The following ADAMTS19 variants were observed in gnomAD, a reference collection of about 807,000 sequenced individuals.
The protein encoded by ADAMTS19 is A disintegrin and metalloproteinase with thrombospondin motifs 19.
A neutral mutation model predicts 153.3 loss-of-function variants in ADAMTS19; 93 were observed. The ratio of observed to expected loss-of-function variants is 0.61; its 90% CI spans 0.51 to 0.72. The LOEUF (loss-of-function observed/expected upper bound fraction) is 0.72, where lower values mean the gene tolerates loss of function less well. Ranked by LOEUF, ADAMTS19 falls within the 30% of genes least tolerant of loss-of-function variation. ADAMTS19 has a pLI of 0.00. For missense variants in ADAMTS19, 1,482 were observed against 1,552.1 expected (o/e 0.95, Z 0.76); for synonymous variants, 600 against 556.6 (o/e 1.08, Z -1.10).
chr5:129,478,933 G>A (rs1170902558), intron 2 of ADAMTS19, among the ~76,000 whole-genome samples: 1 of 152,142 alleles, frequency 6.6e-6, no homozygotes, highest in Non-Finnish European at 1.5e-5. Context: ...TAAAAACAAA[G>A]AGGACCAGAA....
At chr5:129,647,384 T>G (rs2127038662) in intron 11 of ADAMTS19, among the ~76,000 whole-genome samples, 1 of 152,308 alleles carries the variant, frequency 6.6e-6, no homozygotes, top group Non-Finnish European at 1.5e-5. Flanking sequence ...GTTTCCATTC[T>G]TATATATTAC....
intron 4 of ADAMTS19, 30 bp downstream of exon 4, chr5:129,526,486 T>G (rs1473512589): frequency 4.5e-6 from 7 of 1,566,716 alleles, no homozygotes; most frequent in Non-Finnish European, 6.0e-6. Flanking sequence ...CGCTTGGAAT[T>G]TTTTCAAGAA....
At chr5:129,558,659 T>G (rs987242469) in intron 7 of ADAMTS19, among the ~76,000 whole-genome samples, 1 of 152,044 alleles carries the variant, frequency 6.6e-6, no homozygotes, top group Admixed American at 6.6e-5. Context: ...TCTAGATGTA[T>G]AGAGGAACAT....
At chr5:129,688,992 AT>A (rs1263900885) in intron 18 of ADAMTS19, among the ~76,000 whole-genome samples, 28 of 152,324 alleles carry the variant, frequency 1.8e-4, no homozygotes, top group African/African-American at 6.5e-4. Flanking sequence ...TTATAAATAT[AT>A]TACTCCAAAA....
chr5:129,461,139 C>A lies in ADAMTS19; in HGVS notation c.129C>A (p.Val43=), dbSNP rs1749637081. ...CCCCCGACCGCGAGGAGTGGGAAGT[C>A]GTGTTTCCTGCGCTCTGGCGCCGGG... ...QFAPDREEWE[V]VFPALWRREP... The change falls in exon 2 of 23, where the codon GTC becomes GTA. Residue 43 remains valine, a synonymous_variant. Coordinates refer to ENST00000274487, the MANE Select transcript of ADAMTS19 (RefSeq NM_133638.6). This position sits in a 1 kb window ranked among gnomAD's most constrained non-coding sequence, Gnocchi z 4.6. 3.5e-6 allele frequency: 5 copies of A among 1,422,448 alleles called. No homozygotes were observed. The highest frequency in any genetic ancestry group is 3.7e-6 in the Non-Finnish European group (4 of 1,084,964). 88.1% of individuals were successfully genotyped at this position (1,422,448 alleles called of 1,614,324 possible).
intron 10 of ADAMTS19, among the ~76,000 whole-genome samples, chr5:129,639,571 G>A (rs138578630): frequency 4.2e-4 from 64 of 152,234 alleles, no homozygotes; most frequent in South Asian, 2.5e-3. Flanking sequence ...AGTACCTGCC[G>A]TTTCAAATAG....
At chr5:129,580,001 C>T (rs1022900263) in intron 7 of ADAMTS19, among the ~76,000 whole-genome samples, 14 of 152,268 alleles carry the variant, frequency 9.2e-5, no homozygotes, top group Admixed American at 9.2e-4. Flanking sequence ...ATGGGGATAG[C>T]ATTGAATCTA....
chr5:129,726,183 C>T (rs768762314), intron 21 of ADAMTS19, among the ~76,000 whole-genome samples: 7 of 152,058 alleles, frequency 4.6e-5, no homozygotes, highest in Non-Finnish European at 7.4e-5. Flanking sequence ...GTTTCCTATT[C>T]AGAATTAAAT....
Position 129,538,129 on chromosome 5 carries a change from C to T in ADAMTS19, c.1328+9452C>T, listed in dbSNP as rs111574955. Reference sequence around the variant, plus strand: ...ATATTGCTTCTGAGACTAAAGAAGACGATAATCATAATTTGATTACTGATT... The same window carrying T: ...ATATTGCTTCTGAGACTAAAGAAGATGATAATCATAATTTGATTACTGATT... On this transcript the variant is annotated intron_variant, in intron 6 of 22. Coordinates refer to ENST00000274487, the MANE Select transcript of ADAMTS19 (RefSeq NM_133638.6). Among the ~76,000 whole-genome samples, 51 of 151,636 alleles carry T rather than the reference C, an allele frequency of 3.4e-4. No individual in the cohort carries two copies. In the East Asian group the frequency reaches 4.7e-3, roughly 14 times the overall value.
In ADAMTS19 at chr5:129,461,456, C is replaced by T. The variant is rs563241485; in HGVS notation, c.446C>T (p.Pro149Leu). ...GGCGCCCCGGCCTCGTGGCAGCCGCCGCCTCCCCCGCAGCCGCCCCCGTCC... is the reference window on the plus strand; with the variant it reads ...GGCGCCCCGGCCTCGTGGCAGCCGCTGCCTCCCCCGCAGCCGCCCCCGTCC... ...SPGAPASWQP[P>L]PPPQPPPSPP... The change falls in exon 2 of 23, where the codon CCG (proline) becomes CTG (leucine). Residue 149 changes from proline (P) to leucine (L), a missense_variant. By Grantham distance (98) the Pro-to-Leu change is moderately conservative. Around this residue, in one of 2 missense-constraint regions of ADAMTS19, gnomAD observed 866 missense variants for 827.7 expected, o/e 1.05. Transcript: ENST00000274487. The surrounding 1 kb of genome is among the most constrained non-coding windows in gnomAD (Gnocchi z 4.6). The T allele has an allele frequency of 6.9e-4, 998 of 1,449,102 alleles. 7 individuals are homozygous for T. In the African/African-American group the frequency reaches 0.012, roughly 18 times the overall value. 89.8% of individuals were successfully genotyped at this position (1,449,102 alleles called of 1,614,324 possible).
intron 10 of ADAMTS19, among the ~76,000 whole-genome samples, chr5:129,640,532 C>A (rs1332027602): frequency 2.0e-5 from 3 of 152,020 alleles, no homozygotes; most frequent in South Asian, 2.1e-4. Flanking sequence ...CCTAAAATAA[C>A]CTATTATCTT....
At chr5:129,699,434 A>G (rs1007331518) in intron 19 of ADAMTS19, among the ~76,000 whole-genome samples, 8 of 152,064 alleles carry the variant, frequency 5.3e-5, no homozygotes, top group Non-Finnish European at 1.2e-4. Flanking sequence ...AAAAAAAAAA[A>G]AAAAAAGAAA....
At chr5:129,610,612 C>T (rs1751159217) in intron 8 of ADAMTS19, among the ~76,000 whole-genome samples, 4 of 152,152 alleles carry the variant, frequency 2.6e-5, no homozygotes, top group Admixed American at 2.6e-4. Flanking sequence ...CCACAAAGGA[C>T]ATGAACTCAT....
intron 7 of ADAMTS19, among the ~76,000 whole-genome samples, chr5:129,580,778 G>T (rs1172194588): frequency 2.6e-5 from 4 of 152,198 alleles, no homozygotes; most frequent in Non-Finnish European, 4.4e-5. Context: ...TCCCAGGGGT[G>T]AAGCTGACTT....
At chr5:129,523,965 TA>T (rs1751915085) in intron 3 of ADAMTS19, among the ~76,000 whole-genome samples, 1 of 152,094 alleles carries the variant, frequency 6.6e-6, no homozygotes, top group Non-Finnish European at 1.5e-5. Flanking sequence ...AAAACTACTG[TA>T]AATTTCATAT....
rs145394711 is a variant in ADAMTS19, at chr5:129,634,735, C to G, written c.1771-7124C>G. 1.4e-3 allele frequency among the ~76,000 whole-genome samples: 218 copies of G among 152,064 alleles called. 1 individual carries two copies. The highest frequency in any genetic ancestry group is 3.9e-3 in the African/African-American group (162 of 41,480). On this transcript the variant is annotated intron_variant, in intron 10 of 22. Transcript: ENST00000274487. ...ACTGGGCCCCTTTTTAGGCCGTACA[C>G]AAAAATTAACTCAAGATGGATTAGA...
intron 21 of ADAMTS19, among the ~76,000 whole-genome samples, chr5:129,709,971 TTTTAA>T (rs1461209126): frequency 6.6e-6 from 1 of 152,144 alleles, no homozygotes; most frequent in Non-Finnish European, 1.5e-5. Context: ...TCTTTTTTTT[TTTTAA>T]TTTAATTTTA....
intron 8 of ADAMTS19, among the ~76,000 whole-genome samples, chr5:129,608,930 A>T (rs1393998516): frequency 6.6e-6 from 1 of 152,176 alleles, no homozygotes; most frequent in Non-Finnish European, 1.5e-5. Flanking sequence ...GACTTTTAGA[A>T]TGGGAAATAG....
At chr5:129,673,759 G>A (rs1754416965) in intron 16 of ADAMTS19, among the ~76,000 whole-genome samples, 1 of 151,994 alleles carries the variant, frequency 6.6e-6, no homozygotes, top group Non-Finnish European at 1.5e-5. Context: ...AATTATGTCA[G>A]TTTTGCTTCA....
Sources: gnomAD v4.1 joint callset for allele counts (sites outside exome capture counted in the v4.1 genomes callset) on GRCh38, gnomAD v4.1.1 for gene constraint, gnomAD v4.1.1 regional missense constraint, Gnocchi (gnomAD v3.1) non-coding constraint, MANE v1.5 for transcripts, NCBI Gene and HGNC (gene_info 2026-07-23, HGNC 2026-07-21) for gene names.